Variants in SMURF1 observed in about 807,000 individuals in gnomAD.
SMURF1 encodes E3 ubiquitin-protein ligase SMURF1.
SMURF1 carries 44 observed loss-of-function variants against 98.0 expected under a neutral mutation model. The ratio of observed to expected loss-of-function variants is 0.45; its 90% CI spans 0.35 to 0.58. The LOEUF is 0.58. Among genes scored for constraint, SMURF1 ranks in the 20% least tolerant of loss-of-function variants. The pLI is 0.00. For missense variants in SMURF1, 687 were observed against 938.4 expected (o/e 0.73, Z 3.50); for synonymous variants, 396 against 374.9 (o/e 1.06, Z -0.65).
intron 1 of SMURF1, among the ~76,000 whole-genome samples, chr7:99,095,143 G>A (rs533320528): frequency 1.3e-5 from 2 of 152,188 alleles, no homozygotes; most frequent in Admixed American, 6.5e-5. Flanking sequence ...GCAATGGCGC[G>A]ATCTCGGCTC....
Position 99,041,833 on chromosome 7 carries a change from T to C in SMURF1, c.1371+285A>G, listed in dbSNP as rs2072172. Reference sequence around the variant, plus strand: ...ATGACACCATTAACACATACGATCATCACACCAGAGTTCCCTCAAATGATC... The same window carrying C: ...ATGACACCATTAACACATACGATCACCACACCAGAGTTCCCTCAAATGATC... On this transcript the variant is annotated intron_variant, in intron 12 of 17. Coordinates refer to ENST00000361368, the MANE Select transcript of SMURF1 (RefSeq NM_181349.3). Among the ~76,000 whole-genome samples the C allele has an allele frequency of 0.09, 13,698 of 152,292 alleles. 686 individuals are homozygous for C. Among genetic ancestry groups the C allele is most frequent in the East Asian group, 0.24 (1,219 of 5,184 alleles).
chr7:99,100,069 C>T (rs1797041216), intron 1 of SMURF1, among the ~76,000 whole-genome samples: 1 of 147,634 alleles, frequency 6.8e-6, no homozygotes, highest in Non-Finnish European at 1.5e-5. Context: ...TTCATCTTAT[C>T]ACATTTACAG....
At chr7:99,058,952 C>T (rs922691110) in intron 3 of SMURF1, among the ~76,000 whole-genome samples, 10 of 152,054 alleles carry the variant, frequency 6.6e-5, no homozygotes, top group South Asian at 2.1e-4. Context: ...GGCATGGTGG[C>T]GGGTACCTGT....
At position 99,037,154 on chromosome 7, in the gene SMURF1, G is replaced by A. The variant is rs148999069; in HGVS notation, c.1722C>T (p.Ile574=). 1.2e-4 allele frequency: 196 copies of A among 1,614,156 alleles called. No individual in the cohort carries two copies. In the African/African-American group the frequency reaches 2.1e-3, roughly 18 times the overall value. ...LYVNWRFMRG[I]EAQFLALQKG... ...TCTGCAGAGCTAAGAACTGGGCTTC[G>A]ATTCCTCTCATAAACCTCCAGTTTA... The change falls in exon 15 of 18, where the codon ATC becomes ATT. Residue 574 remains isoleucine, a synonymous_variant. Coordinates refer to ENST00000361368, the MANE Select transcript of SMURF1 (RefSeq NM_181349.3).
rs181615724 is a variant in SMURF1, at chr7:99,108,762, C to T, written c.55+34964G>A. 1.0e-3 allele frequency among the ~76,000 whole-genome samples: 154 copies of T among 152,018 alleles called. 1 individual carries two copies. Among genetic ancestry groups the T allele is most frequent in the Admixed American group, 2.5e-3 (38 of 15,262 alleles). ...AGCTGCAAGCCTAAAGTAATATGCA[C>T]ACTTTAAATCAAGGAAGAAGTTTAG... On this transcript the variant is annotated intron_variant, in intron 1 of 17. Transcript: ENST00000361368.
intron 1 of SMURF1, among the ~76,000 whole-genome samples, chr7:99,122,023 C>A (rs1797640567): frequency 6.6e-6 from 1 of 152,180 alleles, no homozygotes; most frequent in South Asian, 2.1e-4. Context: ...CTACAAGAAC[C>A]TGTTTTTAGC....
intron 1 of SMURF1, among the ~76,000 whole-genome samples, chr7:99,139,793 T>G (rs1253990352): frequency 1.3e-5 from 2 of 152,230 alleles, no homozygotes; most frequent in African/African-American, 2.4e-5. Context: ...AAAATGTTAT[T>G]ATTTTAAATA....
chr7:99,030,776 A>C, intron 17 of SMURF1, 93 bp from the exon 18 acceptor site: 2 of 658,370 alleles, frequency 3.0e-6, no homozygotes, highest in Non-Finnish European at 5.2e-6. Flanking sequence ...TATATGTGGG[A>C]GGGGAGAGGA....
chr7:99,063,259 A>AAGATT lies in SMURF1; in HGVS notation c.56-1423_56-1422insAATCT, dbSNP rs1391251395. Reference sequence around the variant, plus strand: ...GATTTATTTATATATATATATATATATATATATATATATATATATATATAT... The same window carrying AAGATT: ...GATTTATTTATATATATATATATATAAGATTTATATATATATATATATATATATAT... On this transcript the variant is annotated intron_variant, in intron 1 of 17. Coordinates refer to ENST00000361368, the MANE Select transcript of SMURF1 (RefSeq NM_181349.3). Among the ~76,000 whole-genome samples, 24 of 6,292 alleles carry AAGATT rather than the reference A, an allele frequency of 3.8e-3. No individual in the cohort carries two copies. In the East Asian group the frequency reaches 0.052, roughly 14 times the overall value. The allele number at this position is 6,292 out of a possible 152,430, so 4.1% of individuals were successfully genotyped here. A position where few individuals can be genotyped will look rare whatever the true frequency, so the allele number is the denominator to read the frequency against.
At chr7:99,033,154 A>G (rs1421629564) in intron 16 of SMURF1, 33 bp from the exon 17 acceptor site, 2 of 1,551,220 alleles carry the variant, frequency 1.3e-6, no homozygotes, top group Admixed American at 2.0e-5. Flanking sequence ...AATGTACTTC[A>G]GAGTTACAGC....
intron 1 of SMURF1, among the ~76,000 whole-genome samples, chr7:99,091,032 C>T (rs1796797950): frequency 6.6e-6 from 1 of 152,182 alleles, no homozygotes; most frequent in African/African-American, 2.4e-5. Flanking sequence ...GCTACAACAA[C>T]AGCAGAGTTG....
intron 1 of SMURF1, among the ~76,000 whole-genome samples, chr7:99,137,487 G>A (rs560645472): frequency 2.0e-5 from 3 of 152,268 alleles, no homozygotes; most frequent in East Asian, 1.9e-4. Flanking sequence ...AGAACTCAGC[G>A]GATGCCCAAC....
intron 1 of SMURF1, among the ~76,000 whole-genome samples, chr7:99,119,633 T>C (rs559279506): frequency 3.3e-5 from 5 of 152,310 alleles, no homozygotes; most frequent in African/African-American, 1.2e-4. Context: ...GCCTGCTCAA[T>C]GATAAGCTCC....
At chr7:99,102,231 T>C (rs951975431) in intron 1 of SMURF1, among the ~76,000 whole-genome samples, 9 of 152,200 alleles carry the variant, frequency 5.9e-5, no homozygotes, top group Non-Finnish European at 5.9e-5. Flanking sequence ...AATATTATGA[T>C]GAAATTATTT....
chr7:99,044,141 A>G (rs1726978548), intron 11 of SMURF1, among the ~76,000 whole-genome samples: 1 of 152,154 alleles, frequency 6.6e-6, no homozygotes. Flanking sequence ...GTGAAACCCC[A>G]TCTCTACTAA....
chr7:99,038,033 T>C (rs1795218995), intron 14 of SMURF1, among the ~76,000 whole-genome samples: 1 of 151,544 alleles, frequency 6.6e-6, no homozygotes, highest in South Asian at 2.1e-4. Context: ...AAGTTAGGGG[T>C]GGAAAAAAAC....
intron 17 of SMURF1, chr7:99,031,013 C>A: frequency 4.8e-6 from 1 of 208,236 alleles, no homozygotes. Context: ...AAGTCTTGGG[C>A]CTTCACAACC....
At chr7:99,124,802 C>G (rs918055581) in intron 1 of SMURF1, among the ~76,000 whole-genome samples, 1 of 152,130 alleles carries the variant, frequency 6.6e-6, no homozygotes, top group Non-Finnish European at 1.5e-5. Context: ...AGGGCAGGGC[C>G]AACTAAACTT....
chr7:99,127,917 T>G (rs1797781400), intron 1 of SMURF1, among the ~76,000 whole-genome samples: 2 of 152,180 alleles, frequency 1.3e-5, no homozygotes, highest in African/African-American at 4.8e-5. Context: ...CGATACGAAA[T>G]GTACTTAAAT....
Sources: allele counts gnomAD v4.1 joint callset (sites outside exome capture counted in the v4.1 genomes callset), GRCh38; gene constraint gnomAD v4.1.1; transcripts MANE v1.5; gene names NCBI Gene and HGNC (gene_info 2026-07-23, HGNC 2026-07-21).